Variants in ADRA1A observed in about 807,000 individuals in gnomAD.
ADRA1A encodes adrenoceptor alpha 1A.
A neutral mutation model predicts 29.6 loss-of-function variants in ADRA1A; 31 were observed. That is an observed-to-expected ratio of 1.05 (90% CI 0.79 to 1.41). The LOEUF is 1.41. Ranked by LOEUF, ADRA1A falls within the 40% of genes most tolerant of loss-of-function variation. ADRA1A has a pLI of 0.00. For synonymous variants in ADRA1A, 311 were observed against 254.3 expected, an observed-to-expected ratio of 1.22 and a Z score of -2.12; for missense variants, 619 against 601.1, an observed-to-expected ratio of 1.03 and a Z score of -0.31.
rs1042664952 is a variant in ADRA1A, at chr8:26,841,289, G to A, written c.883+22798C>T. Among the ~76,000 whole-genome samples the A allele has an allele frequency of 2.0e-5, 3 of 152,170 alleles. No homozygotes were observed. Among genetic ancestry groups the A allele is most frequent in the African/African-American group, 7.2e-5 (3 of 41,436 alleles). ...GCTGACAGGTTGGCTTCAAGTGACCGTTCCAATCTCAGAGGACCACAGTCT... is the reference window on the plus strand; with the variant it reads ...GCTGACAGGTTGGCTTCAAGTGACCATTCCAATCTCAGAGGACCACAGTCT... On this transcript the variant is annotated intron_variant, in intron 2 of 2. Coordinates refer to ENST00000380573, the MANE Select transcript of ADRA1A (RefSeq NM_000680.4). This position sits in a 1 kb window ranked among gnomAD's most constrained non-coding sequence, Gnocchi z 4.4.
chr8:26,858,997 C>T (rs1249516679), intron 2 of ADRA1A: 1 of 1,180,512 alleles, frequency 8.5e-7, no homozygotes, highest in African/African-American at 1.6e-5. Context: ...TCACAATATA[C>T]AGGAAGGACC....
At chr8:26,800,757 T>C (rs1260024398) in intron 2 of ADRA1A, among the ~76,000 whole-genome samples, 1 of 152,156 alleles carries the variant, frequency 6.6e-6, no homozygotes, top group South Asian at 2.1e-4. Context: ...ATACTCATTG[T>C]ATGGGGCCAG....
At chr8:26,790,832 C>T (rs1807761337) in intron 2 of ADRA1A, among the ~76,000 whole-genome samples, 1 of 152,138 alleles carries the variant, frequency 6.6e-6, no homozygotes, top group Non-Finnish European at 1.5e-5. Context: ...TAAGTTTGAT[C>T]TATATTCAGG....
At chr8:26,800,169 GA>G (rs1808471116) in intron 2 of ADRA1A, among the ~76,000 whole-genome samples, 1 of 152,128 alleles carries the variant, frequency 6.6e-6, no homozygotes, top group Non-Finnish European at 1.5e-5. Flanking sequence ...TGAGGCAAGA[GA>G]ATTGCTTGAA....
downstream of ADRA1A, among the ~76,000 whole-genome samples, chr8:26,767,789 C>T (rs544139213): frequency 1.3e-5 from 2 of 152,304 alleles, no homozygotes; most frequent in Admixed American, 6.5e-5. Context: ...TTGGGACGCT[C>T]TTCCTGTAAG....
downstream of ADRA1A, among the ~76,000 whole-genome samples, chr8:26,761,288 T>C (rs147163617): frequency 1.3e-4 from 20 of 152,316 alleles, no homozygotes; most frequent in African/African-American, 4.8e-4. Context: ...GAATTTAAAC[T>C]TCTAATCTGG....
intron 2 of ADRA1A, among the ~76,000 whole-genome samples, chr8:26,772,446 G>A (rs1206983729): frequency 1.1e-4 from 17 of 151,984 alleles, no homozygotes; most frequent in East Asian, 5.8e-4. Flanking sequence ...TTCCTTCTCC[G>A]CGGGCTTTTA....
intron 2 of ADRA1A, among the ~76,000 whole-genome samples, chr8:26,828,580 A>G (rs146133845): frequency 0.014 from 2,194 of 152,362 alleles, 28 homozygotes; most frequent in South Asian, 0.042. Context: ...TGTAGGGCAG[A>G]GGCACAGGTC....
At chr8:26,813,304 G>A (rs563175133) in intron 2 of ADRA1A, among the ~76,000 whole-genome samples, 8 of 152,234 alleles carry the variant, frequency 5.3e-5, no homozygotes, top group African/African-American at 1.4e-4. Context: ...GTGGGGCTAG[G>A]CTTTTTAAAG....
chr8:26,818,052 C>T (rs891530489), intron 2 of ADRA1A, among the ~76,000 whole-genome samples: 3 of 152,180 alleles, frequency 2.0e-5, no homozygotes, highest in Non-Finnish European at 4.4e-5. Flanking sequence ...AAACACATTA[C>T]GCTGAGTAAA....
chr8:26,861,303 GT>G (rs35538353), intron 2 of ADRA1A, among the ~76,000 whole-genome samples: 1 of 119,706 alleles, frequency 8.4e-6, no homozygotes, highest in African/African-American at 3.2e-5. Context: ...CAGAGGCTCT[GT>G]TTTTTTTTTT....
At chr8:26,827,608 CTT>C (rs1197178844) in intron 2 of ADRA1A, among the ~76,000 whole-genome samples, 1 of 151,660 alleles carries the variant, frequency 6.6e-6, no homozygotes, top group African/African-American at 2.4e-5. Context: ...TGGGGTTTTT[CTT>C]TCTTTTCTTT....
intron 2 of ADRA1A, among the ~76,000 whole-genome samples, chr8:26,802,184 T>A (rs1013627334): frequency 4.0e-5 from 6 of 151,798 alleles, no homozygotes; most frequent in Admixed American, 2.6e-4. Context: ...TTGAGTAATA[T>A]CCCAAAGCAC....
chr8:26,859,229 ATATT>A, intron 2 of ADRA1A: 1 of 1,239,864 alleles, frequency 8.1e-7, no homozygotes, highest in Non-Finnish European at 1.1e-6. Context: ...ATATGATAGT[ATATT>A]TATTCTTCTG....
chr8:26,837,213 A>T (rs959875624), intron 2 of ADRA1A, among the ~76,000 whole-genome samples: 3 of 151,906 alleles, frequency 2.0e-5, no homozygotes, highest in Non-Finnish European at 2.9e-5. Context: ...CAGGCTTTTT[A>T]AAAAAGCTTT....
chr8:26,804,553 G>A (rs1313709282), intron 2 of ADRA1A, among the ~76,000 whole-genome samples: 1 of 152,198 alleles, frequency 6.6e-6, no homozygotes. Flanking sequence ...AATCTACAGT[G>A]ATGGTAAACA....
intron 2 of ADRA1A, among the ~76,000 whole-genome samples, chr8:26,853,304 G>A (rs533076734): frequency 6.6e-6 from 1 of 152,302 alleles, no homozygotes; most frequent in African/African-American, 2.4e-5. Flanking sequence ...TCCAGGAGAT[G>A]TTAGCAGATG....
intron 2 of ADRA1A, among the ~76,000 whole-genome samples, chr8:26,794,089 A>C (rs1189571122): frequency 6.6e-6 from 1 of 152,056 alleles, no homozygotes; most frequent in African/African-American, 2.4e-5. Flanking sequence ...CTATTAAGTA[A>C]AAACAAACCA....
chr8:26,756,005 A>G (rs1022255470), downstream of ADRA1A, among the ~76,000 whole-genome samples: 6 of 152,234 alleles, frequency 3.9e-5, no homozygotes, highest in Non-Finnish European at 7.3e-5. Context: ...AATTTCAAAC[A>G]TGCACAAACA....
Sources: allele counts gnomAD v4.1 joint callset (sites outside exome capture counted in the v4.1 genomes callset), GRCh38; gene constraint gnomAD v4.1.1; non-coding constraint Gnocchi (gnomAD v3.1); transcripts MANE v1.5; gene names NCBI Gene and HGNC (gene_info 2026-07-23, HGNC 2026-07-21).